The following GRIK2 variants were observed in gnomAD, a reference collection of about 807,000 sequenced individuals.
The protein encoded by GRIK2 is glutamate receptor ionotropic, kainate 2.
GRIK2 carries 32 observed loss-of-function variants against 100.3 expected under a neutral mutation model. The ratio of observed to expected loss-of-function variants is 0.32; its 90% CI spans 0.24 to 0.43. GRIK2 has a LOEUF of 0.43. Among genes scored for constraint, GRIK2 ranks in the 20% least tolerant of loss-of-function variants. The pLI is 1.00. For missense variants in GRIK2, 843 were observed against 1,114.9 expected (o/e 0.76, Z 3.47); for synonymous variants, 417 against 389.4 (o/e 1.07, Z -0.83).
chr6:101,801,015 C>G (rs1373551688), intron 8 of GRIK2, among the ~76,000 whole-genome samples: 1 of 152,054 alleles, frequency 6.6e-6, no homozygotes, highest in Non-Finnish European at 1.5e-5. Context: ...AGCTCTTTCT[C>G]CTGAGCAGCT....
rs138400228 is a variant in GRIK2, at chr6:101,822,530, G to A, written c.1317+4047G>A. Among the ~76,000 whole-genome samples, 241 of 152,188 alleles carry A rather than the reference G, an allele frequency of 1.6e-3. 2 individuals carry two copies. The East Asian group carries it at 0.033, about 21-fold the overall frequency. On this transcript the variant is annotated intron_variant, in intron 10 of 16. Transcript: ENST00000369134. ...GAATTGAAAGACCATTATGACTGGT[G>A]CTAATGCCTCGATCTGCTTCTCAGC...
chr6:101,837,120 A>G (rs917109342), intron 10 of GRIK2, among the ~76,000 whole-genome samples: 1 of 152,136 alleles, frequency 6.6e-6, no homozygotes, highest in Non-Finnish European at 1.5e-5. Flanking sequence ...ATCACTGAGT[A>G]TTGGTCATCT....
rs1460170631 is a variant in GRIK2 at position 101,773,572 on chromosome 6, T to G, written c.952-26076T>G. Among the ~76,000 whole-genome samples, 3 of 150,512 alleles carry G rather than the reference T, an allele frequency of 2.0e-5. No homozygotes were observed. The East Asian group carries it at 5.8e-4, about 29-fold the overall frequency. ...TACACTATAAATATGAGTGTAGAAA[T>G]CAATTCTTATTTAAAAAACAAAACC... On this transcript the variant is annotated intron_variant, in intron 7 of 16. Transcript: ENST00000369134.
chr6:101,636,022 A>G (rs1780992960), intron 4 of GRIK2, among the ~76,000 whole-genome samples: 1 of 152,158 alleles, frequency 6.6e-6, no homozygotes, highest in Non-Finnish European at 1.5e-5. Context: ...AAGGATTATA[A>G]ATCATTCTAC....
intron 4 of GRIK2, among the ~76,000 whole-genome samples, chr6:101,647,750 A>G (rs1472900485): frequency 3.3e-5 from 5 of 152,096 alleles, no homozygotes; most frequent in Non-Finnish European, 5.9e-5. Context: ...GGCAGGCAAT[A>G]TAAAGTTCAA....
At chr6:101,612,716 ATGTGTGTGTGTGTGTGTG>A (rs139709674) in intron 2 of GRIK2, among the ~76,000 whole-genome samples, 21 of 143,430 alleles carry the variant, frequency 1.5e-4, no homozygotes, top group Non-Finnish European at 2.9e-4. Flanking sequence ...GTATGTGTTA[ATGTGTGTGTGTGTGTGTG>A]TGTGTGTGTG....
At chr6:101,909,365 G>A (rs1339024153) in intron 12 of GRIK2, among the ~76,000 whole-genome samples, 3 of 43,592 alleles carry the variant, frequency 6.9e-5, no homozygotes, top group African/African-American at 3.1e-4. Context: ...GCTGAAGGAA[G>A]ATAGGGTTTT....
intron 2 of GRIK2, among the ~76,000 whole-genome samples, chr6:101,409,650 A>C (rs1775785384): frequency 6.6e-6 from 1 of 152,056 alleles, no homozygotes; most frequent in African/African-American, 2.4e-5. Flanking sequence ...TAGGAAAAAT[A>C]AGTAAATCTT....
At chr6:101,992,135 GTTAA>G (rs1444895950) in intron 14 of GRIK2, among the ~76,000 whole-genome samples, 1 of 151,402 alleles carries the variant, frequency 6.6e-6, no homozygotes, top group Non-Finnish European at 1.5e-5. Context: ...TAATATTTAT[GTTAA>G]TTAAGAGAGA....
chr6:101,743,744 AT>A (rs1450448163), intron 7 of GRIK2, among the ~76,000 whole-genome samples: 1 of 152,214 alleles, frequency 6.6e-6, no homozygotes, highest in Non-Finnish European at 1.5e-5. Flanking sequence ...TACTTTAAAA[AT>A]AATTAAAAAT....
intron 7 of GRIK2, among the ~76,000 whole-genome samples, chr6:101,709,170 A>G (rs891459504): frequency 6.6e-6 from 1 of 151,856 alleles, no homozygotes; most frequent in Non-Finnish European, 1.5e-5. Flanking sequence ...AAATGGAGGC[A>G]GAGATTCCAT....
intron 12 of GRIK2, among the ~76,000 whole-genome samples, chr6:101,901,932 C>T (rs1021223635): frequency 6.6e-6 from 1 of 151,868 alleles, no homozygotes. Flanking sequence ...GTACAAAAAT[C>T]CTTCTACTTC....
chr6:101,574,516 C>A (rs1430185877), intron 2 of GRIK2, among the ~76,000 whole-genome samples: 3 of 149,992 alleles, frequency 2.0e-5, no homozygotes, highest in Non-Finnish European at 4.4e-5. Context: ...AGTTCTATAC[C>A]CAATTTTTAG....
At chr6:101,882,840 T>G (rs186903184) in intron 11 of GRIK2, among the ~76,000 whole-genome samples, 30 of 152,252 alleles carry the variant, frequency 2.0e-4, no homozygotes, top group Non-Finnish European at 3.7e-4. Context: ...CTCATCAGTT[T>G]TTTCTTAAAC....
At chr6:101,684,476 A>G (rs544516271) in intron 6 of GRIK2, among the ~76,000 whole-genome samples, 4 of 152,176 alleles carry the variant, frequency 2.6e-5, no homozygotes, top group Admixed American at 6.5e-5. Flanking sequence ...TATATCTTCT[A>G]ATTTTTGTGT....
intron 7 of GRIK2, among the ~76,000 whole-genome samples, chr6:101,701,092 C>T (rs950858813): frequency 6.6e-6 from 1 of 152,044 alleles, no homozygotes; most frequent in African/African-American, 2.4e-5. Flanking sequence ...CAACAAAAAG[C>T]TGGAAGCTGA....
intron 7 of GRIK2, among the ~76,000 whole-genome samples, chr6:101,770,429 T>C (rs1045335400): frequency 6.6e-6 from 1 of 152,214 alleles, no homozygotes; most frequent in Non-Finnish European, 1.5e-5. Context: ...CTGCTCTTTG[T>C]CTTCTTTGAA....
At chr6:101,803,810 A>T (rs2128415245) in intron 9 of GRIK2, among the ~76,000 whole-genome samples, 1 of 151,922 alleles carries the variant, frequency 6.6e-6, no homozygotes, top group East Asian at 1.9e-4. Context: ...ACATTACAAA[A>T]TTTTCTCTGT....
At chr6:101,455,983 A>G (rs1770987537) in intron 2 of GRIK2, among the ~76,000 whole-genome samples, 1 of 152,070 alleles carries the variant, frequency 6.6e-6, no homozygotes, top group African/African-American at 2.4e-5. Context: ...ATTGAGAGGT[A>G]AAAACTCAAA....
Sources: allele counts gnomAD v4.1 joint callset (sites outside exome capture counted in the v4.1 genomes callset), GRCh38; gene constraint gnomAD v4.1.1; transcripts MANE v1.5; gene names NCBI Gene and HGNC (gene_info 2026-07-23, HGNC 2026-07-21).